S100Z: variants seen among roughly 807,000 people sequenced by gnomAD.
The protein encoded by S100Z is S100 calcium binding protein Z, also known as protein S100-Z.
A neutral mutation model predicts 8.5 loss-of-function variants in S100Z; 11 were observed. That is an observed-to-expected ratio of 1.30 (90% confidence interval 0.82 to 2.15). The LOEUF is 2.15. Among genes scored for constraint, S100Z ranks in the 30% most tolerant of loss-of-function variants. S100Z has a pLI of 0.00. For missense variants in S100Z, 126 were observed against 117.9 expected, an observed-to-expected ratio of 1.07 and a Z score of -0.32; for synonymous variants, 34 against 43.8, an observed-to-expected ratio of 0.78 and a Z score of 0.89.
chr5:76,895,569 GGTATATAGTAGGT>G (rs1744005084), intron 4 of S100Z, among the ~76,000 whole-genome samples: 1 of 151,444 alleles, frequency 6.6e-6, no homozygotes, highest in Non-Finnish European at 1.5e-5. Context: ...ATTTTTTGTG[GGTATATAGTAGGT>G]GTATATAGGG....
At chr5:76,937,060 C>G in the S100Z span, among the ~76,000 whole-genome samples, 1 of 152,182 alleles carries the variant, frequency 6.6e-6, no homozygotes, top group South Asian at 2.1e-4. Flanking sequence ...CAGCAAATCC[C>G]GGCTGCAGAG....
chr5:76,910,465 T>C (rs545529032), intron 4 of S100Z, among the ~76,000 whole-genome samples: 36 of 152,228 alleles, frequency 2.4e-4, no homozygotes, highest in African/African-American at 8.2e-4. Context: ...CAAACCTTCA[T>C]GGTTCAGAGA....
At chr5:76,903,946 A>G (rs1024784630) in intron 4 of S100Z, among the ~76,000 whole-genome samples, 1 of 151,804 alleles carries the variant, frequency 6.6e-6, no homozygotes, top group Non-Finnish European at 1.5e-5. Flanking sequence ...AGACCATGTT[A>G]GGCTGGTCTC....
chr5:76,932,370 G>C, the S100Z span, among the ~76,000 whole-genome samples: 1 of 151,768 alleles, frequency 6.6e-6, no homozygotes, highest in Admixed American at 6.6e-5. Flanking sequence ...TTTTCTTTTT[G>C]AGACAGGGTC....
At chr5:76,899,534 G>A (rs1426776738) in intron 4 of S100Z, among the ~76,000 whole-genome samples, 1 of 151,318 alleles carries the variant, frequency 6.6e-6, no homozygotes, top group Non-Finnish European at 1.5e-5. Context: ...TTTGGTTTGA[G>A]GTTACCATAA....
chr5:76,890,090 C>A (rs948546169), intron 4 of S100Z, among the ~76,000 whole-genome samples: 2 of 152,212 alleles, frequency 1.3e-5, no homozygotes, highest in African/African-American at 4.8e-5. Context: ...GTGGCACAAT[C>A]TCGGCTCACT....
At chr5:76,906,790 G>A (rs984333683) in intron 4 of S100Z, among the ~76,000 whole-genome samples, 2 of 151,240 alleles carry the variant, frequency 1.3e-5, no homozygotes, top group South Asian at 2.1e-4. Context: ...CTGCCACCAC[G>A]CTCAGCTAAT....
chr5:76,884,580 G>A (rs542519322), intron 4 of S100Z, among the ~76,000 whole-genome samples: 3 of 152,308 alleles, frequency 2.0e-5, no homozygotes, highest in South Asian at 2.1e-4. Flanking sequence ...GAGCCTAAAC[G>A]CTGGCTGATT....
intron 2 of S100Z, 66 bp from the exon 3 acceptor site, chr5:76,875,237 CG>C: frequency 1.1e-6 from 1 of 882,776 alleles, no homozygotes; most frequent in Non-Finnish European, 1.7e-6. Flanking sequence ...CGAGCTGACT[CG>C]GGGGATTGTA....
intron 2 of S100Z, among the ~76,000 whole-genome samples, chr5:76,875,085 G>T (rs1189898976): frequency 2.6e-5 from 4 of 152,050 alleles, no homozygotes; most frequent in Admixed American, 1.3e-4. Context: ...TAGAGACGGG[G>T]TTTCACCGTG....
intron 1 of S100Z, 144 bp from the exon 2 acceptor site, chr5:76,870,022 C>CAAA (rs201492083): frequency 1.7e-5 from 2 of 119,264 alleles, no homozygotes; most frequent in Non-Finnish European, 3.6e-5. Context: ...GACTCCGTCT[C>CAAA]AAAAAAAAAA....
At chr5:76,906,480 C>T (rs1373726414) in intron 4 of S100Z, among the ~76,000 whole-genome samples, 1 of 152,134 alleles carries the variant, frequency 6.6e-6, no homozygotes, top group Non-Finnish European at 1.5e-5. Context: ...GTACTTTCTG[C>T]TTCTAGTTCA....
chr5:76,950,943 T>C, the S100Z span, among the ~76,000 whole-genome samples: 1 of 152,240 alleles, frequency 6.6e-6, no homozygotes, highest in Non-Finnish European at 1.5e-5. Flanking sequence ...AGAGAATGGC[T>C]ACCTGGCTTC....
chr5:76,901,444 G>A (rs79693570), intron 4 of S100Z, among the ~76,000 whole-genome samples: 2,193 of 152,302 alleles, frequency 0.014, 63 homozygotes, highest in East Asian at 0.11. Flanking sequence ...ACAAGATGCA[G>A]TTCTTCCCAC....
chr5:76,914,954 G>T (rs1339871133), intron 4 of S100Z, among the ~76,000 whole-genome samples: 2 of 152,162 alleles, frequency 1.3e-5, no homozygotes, highest in Non-Finnish European at 2.9e-5. Flanking sequence ...CACCGCAAGG[G>T]TCTGTGGCTT....
At chr5:76,881,767 G>T (rs1214997290) in intron 4 of S100Z, among the ~76,000 whole-genome samples, 1 of 152,174 alleles carries the variant, frequency 6.6e-6, no homozygotes, top group Admixed American at 6.5e-5. Context: ...AGATGAGAAG[G>T]AGAAAAACTG....
At chr5:76,924,292 C>A (rs1343510516), downstream of S100Z, among the ~76,000 whole-genome samples, 2 of 152,190 alleles carry the variant, frequency 1.3e-5, no homozygotes, top group Non-Finnish European at 2.9e-5. Flanking sequence ...CTAGACCTCA[C>A]TGGGTTTTTA....
chr5:76,932,687 A>C, the S100Z span, among the ~76,000 whole-genome samples: 2 of 152,130 alleles, frequency 1.3e-5, no homozygotes, highest in African/African-American at 2.4e-5. Flanking sequence ...AGTTAGGGAG[A>C]TGTCTCCCAC....
intron 4 of S100Z, among the ~76,000 whole-genome samples, chr5:76,902,583 G>A (rs1744266164): frequency 1.3e-5 from 2 of 151,678 alleles, no homozygotes; most frequent in Admixed American, 1.3e-4. Flanking sequence ...CTCTTTCACT[G>A]AGTACTGTGA....
Sources: gnomAD v4.1 joint callset for allele counts (sites outside exome capture counted in the v4.1 genomes callset) on GRCh38, gnomAD v4.1.1 for gene constraint, MANE v1.5 for transcripts, NCBI Gene and HGNC (gene_info 2026-07-23, HGNC 2026-07-21) for gene names.